Variants in SLIT2 observed in about 807,000 individuals in gnomAD.
SLIT2 encodes the protein slit guidance ligand 2.
A neutral mutation model predicts 185.7 loss-of-function variants in SLIT2; 41 were observed. The observed-to-expected ratio is 0.22, with a 90% CI of 0.17 to 0.29. SLIT2 has a LOEUF of 0.29. SLIT2 is among the 10% of genes least tolerant of loss of function. The pLI, the probability that SLIT2 is intolerant of heterozygous loss-of-function variation, is 1.00. For synonymous variants in SLIT2, 693 were observed against 680.2 expected (o/e 1.02, Z -0.29); for missense variants, 1,571 against 1,909.0 (o/e 0.82, Z 3.30).
At chr4:20,314,081 T>A in intron 4 of SLIT2, among the ~76,000 whole-genome samples, 1 of 152,358 alleles carries the variant, frequency 6.6e-6, no homozygotes, top group Middle Eastern at 3.4e-3. Context: ...AGCATTTTTC[T>A]GCCAACCCCA....
At chr4:20,514,840 A>G (rs1429499079) in intron 11 of SLIT2, among the ~76,000 whole-genome samples, 1 of 151,804 alleles carries the variant, frequency 6.6e-6, no homozygotes, top group Non-Finnish European at 1.5e-5. Flanking sequence ...ATATTGTTAC[A>G]TAGTATAATA....
chr4:20,548,703 G>A (rs976579997), intron 23 of SLIT2, 144 bp downstream of exon 23: 14 of 629,788 alleles, frequency 2.2e-5, no homozygotes, highest in South Asian at 9.7e-5. Flanking sequence ...ACCACGATAC[G>A]TGAACAATGT....
Position 20,582,693 on chromosome 4 carries a change from C to T in SLIT2, c.3089-6951C>T, listed in dbSNP as rs538311594. 7.2e-5 allele frequency among the ~76,000 whole-genome samples: 11 copies of T among 152,274 alleles called. No individual in the cohort carries two copies. The South Asian group carries it at 1.5e-3, about 20-fold the overall frequency. On this transcript the variant is annotated intron_variant, in intron 29 of 36. Coordinates refer to ENST00000504154, the MANE Select transcript of SLIT2 (RefSeq NM_004787.4). ...TTTTTGCGGTAGATCTTAGCATCCT[C>T]AGTGTACAATTTTTCTCTCTTTCCT...
intron 4 of SLIT2, among the ~76,000 whole-genome samples, chr4:20,294,973 A>G (rs978401158): frequency 2.0e-5 from 3 of 152,240 alleles, no homozygotes; most frequent in African/African-American, 7.2e-5. Context: ...CTACTTAATC[A>G]AAAATTTTTA....
intron 4 of SLIT2, among the ~76,000 whole-genome samples, chr4:20,272,386 G>A (rs889026170): frequency 6.6e-6 from 1 of 151,998 alleles, no homozygotes; most frequent in African/African-American, 2.4e-5. Flanking sequence ...AAGAGTAGAG[G>A]AAATTATTTT....
In SLIT2 at chr4:20,253,856, G is replaced by C. The variant is rs780596855; in HGVS notation, c.41G>C (p.Gly14Ala). The change falls in exon 1 of 37, where the codon GGG becomes GCG. Residue 14 changes from glycine to alanine, a missense_variant. By Grantham distance (60) the Gly-to-Ala change is moderately conservative. Transcript: ENST00000504154. The part of the protein sequence containing the change: ...VGWQMLSLSL[G>A]LVLAILNKVA... ...TGGCAGATGCTGTCCCTGTCGCTGGGGTTAGTGCTGGCGATCCTGAACAAG... is the reference window on the plus strand; with the variant it reads ...TGGCAGATGCTGTCCCTGTCGCTGGCGTTAGTGCTGGCGATCCTGAACAAG... 1.4e-5 allele frequency: 23 copies of C among 1,600,346 alleles called. No homozygotes were observed. Among genetic ancestry groups the C allele is most frequent in the South Asian group, 1.3e-4 (12 of 91,072 alleles).
chr4:20,560,847 T>TATTATTAA (rs1471221825), intron 26 of SLIT2, among the ~76,000 whole-genome samples: 2 of 151,912 alleles, frequency 1.3e-5, no homozygotes, highest in African/African-American at 4.8e-5. Flanking sequence ...TTCAAGTTCG[T>TATTATTAA]ACAATGTTCA....
chr4:20,573,086 G>A (rs772410998), intron 29 of SLIT2: 134 of 665,686 alleles, frequency 2.0e-4, no homozygotes, highest in Middle Eastern at 5.0e-4. Context: ...CGTGTGGCCC[G>A]GCTGTAGGTA....
chr4:20,499,224 G>A (rs540716294), intron 9 of SLIT2, among the ~76,000 whole-genome samples: 2 of 152,134 alleles, frequency 1.3e-5, no homozygotes, highest in African/African-American at 4.8e-5. Context: ...ACATTTTAAT[G>A]GGATTGTTTA....
intron 4 of SLIT2, among the ~76,000 whole-genome samples, chr4:20,436,821 C>G (rs1729371749): frequency 6.6e-6 from 1 of 152,098 alleles, no homozygotes; most frequent in Non-Finnish European, 1.5e-5. Context: ...CTTTGCTGAC[C>G]TTTGATTTAG....
chr4:20,374,487 C>A (rs531781658), intron 4 of SLIT2, among the ~76,000 whole-genome samples: 22 of 152,192 alleles, frequency 1.4e-4, no homozygotes, highest in Middle Eastern at 3.4e-3. Context: ...TTTAAGCAGT[C>A]CAGACCTTTC....
intron 4 of SLIT2, among the ~76,000 whole-genome samples, chr4:20,420,551 A>G (rs562292822): frequency 1.3e-5 from 2 of 152,228 alleles, no homozygotes; most frequent in East Asian, 1.9e-4. Flanking sequence ...TTATCCTTGT[A>G]GAACCCTAGG....
chr4:20,530,581 C>A (rs1438754854), intron 16 of SLIT2, among the ~76,000 whole-genome samples: 1 of 152,072 alleles, frequency 6.6e-6, no homozygotes, highest in Non-Finnish European at 1.5e-5. Context: ...CTGCCCCTGG[C>A]CTAGCACTTT....
At chr4:20,424,757 C>T (rs1728422833) in intron 4 of SLIT2, among the ~76,000 whole-genome samples, 1 of 151,996 alleles carries the variant, frequency 6.6e-6, no homozygotes, top group Admixed American at 6.5e-5. Context: ...GAGAGGCCCC[C>T]CTGCTTTCAG....
intron 29 of SLIT2, among the ~76,000 whole-genome samples, chr4:20,573,885 G>A (rs893364357): frequency 1.3e-5 from 2 of 151,808 alleles, no homozygotes; most frequent in African/African-American, 4.8e-5. Context: ...GTCAATATGG[G>A]CCACCAGGCT....
chr4:20,418,837 AAG>A (rs1185874596), intron 4 of SLIT2, among the ~76,000 whole-genome samples: 1 of 152,202 alleles, frequency 6.6e-6, no homozygotes, highest in Non-Finnish European at 1.5e-5. Flanking sequence ...ATCAAATTAA[AAG>A]AGAGAAAACA....
intron 4 of SLIT2, among the ~76,000 whole-genome samples, chr4:20,343,826 A>C (rs1721163725): frequency 7.0e-6 from 1 of 143,118 alleles, no homozygotes; most frequent in Non-Finnish European, 1.5e-5. Flanking sequence ...AAAAAAATTG[A>C]CATTCATTCA....
chr4:20,404,674 G>C (rs1325023404), intron 4 of SLIT2, among the ~76,000 whole-genome samples: 1 of 151,958 alleles, frequency 6.6e-6, no homozygotes, highest in Non-Finnish European at 1.5e-5. Flanking sequence ...AGAAAACCTA[G>C]AATTATTAGA....
intron 4 of SLIT2, among the ~76,000 whole-genome samples, chr4:20,414,738 T>G (rs1215602506): frequency 6.6e-6 from 1 of 152,146 alleles, no homozygotes; most frequent in Non-Finnish European, 1.5e-5. Flanking sequence ...AGTAAACTAT[T>G]AATATTCTTG....
Sources: allele counts gnomAD v4.1 joint callset (sites outside exome capture counted in the v4.1 genomes callset), GRCh38; gene constraint gnomAD v4.1.1; transcripts MANE v1.5; gene names NCBI Gene and HGNC (gene_info 2026-07-23, HGNC 2026-07-21).